Variants in AATK observed in about 807,000 individuals in gnomAD.
The protein encoded by AATK is serine/threonine-protein kinase LMTK1.
A neutral mutation model predicts 114.3 loss-of-function variants in AATK; 91 were observed. That is an observed-to-expected ratio of 0.80 (90% CI 0.67 to 0.95). The LOEUF is 0.95. Ranked by LOEUF, AATK falls within the 40% of genes least tolerant of loss-of-function variation. The pLI is 0.00. For missense variants in AATK, 2,176 were observed against 1,965.2 expected, an observed-to-expected ratio of 1.11 and a Z score of -2.03; for synonymous variants, 1,075 against 916.5, an observed-to-expected ratio of 1.17 and a Z score of -3.12.
Position 81,134,309 on chromosome 17 carries a change from G to A in AATK, c.189+59C>T, listed in dbSNP as rs1177607079. The A allele has an allele frequency of 2.5e-6, 4 of 1,592,908 alleles. No homozygotes were observed. In the East Asian group the frequency reaches 6.8e-5, roughly 27 times the overall value. ...AAGGAGGGAAGCTCAGGGTCAAGTG[G>A]ACGCTACAGGCCTTGCCTGCGGGAT... On this transcript the variant is annotated intron_variant, in intron 2 of 13. Transcript: ENST00000326724.
chr17:81,137,359 C>CCCTGT (rs1040797056), intron 1 of AATK, among the ~76,000 whole-genome samples: 14 of 152,120 alleles, frequency 9.2e-5, no homozygotes, highest in African/African-American at 3.1e-4. Context: ...GTGCGCCCAG[C>CCCTGT]CCTGTCCTCG....
intron 1 of AATK, among the ~76,000 whole-genome samples, chr17:81,162,006 CT>C (rs1271367241): frequency 6.6e-6 from 1 of 152,180 alleles, no homozygotes; most frequent in Admixed American, 6.5e-5. Context: ...GCCTGGCCTC[CT>C]GGAGAATGTG....
At chr17:81,134,674 A>G (rs1208251432) in intron 1 of AATK, among the ~76,000 whole-genome samples, 173 bp from the exon 2 acceptor site, 3 of 152,208 alleles carry the variant, frequency 2.0e-5, no homozygotes, top group Non-Finnish European at 4.4e-5. Flanking sequence ...AGGTGGCCAG[A>G]GCCTGCAGTC....
intron 2 of AATK, chr17:81,132,639 C>A (rs371695274): frequency 3.5e-6 from 1 of 288,038 alleles, no homozygotes; most frequent in South Asian, 2.6e-5. Context: ...GGGTCGGGCC[C>A]GGGCTCCAGG....
intron 2 of AATK, among the ~76,000 whole-genome samples, 157 bp from the exon 3 acceptor site, chr17:81,131,362 G>A (rs1324501782): frequency 6.6e-6 from 1 of 152,188 alleles, no homozygotes; most frequent in African/African-American, 2.4e-5. Context: ...GCAGGCCAAT[G>A]GCCCAGCACC....
At chr17:81,147,698 T>A (rs1324909853) in intron 1 of AATK, among the ~76,000 whole-genome samples, 1 of 152,130 alleles carries the variant, frequency 6.6e-6, no homozygotes, top group Non-Finnish European at 1.5e-5. Flanking sequence ...GAGGTTGCAG[T>A]GAGCTGAGGT....
Position 81,124,805 on chromosome 17 carries a change from C to T in AATK, c.884G>A (p.Arg295His). 3 of 1,612,588 alleles carry T rather than the reference C, an allele frequency of 1.9e-6. No homozygotes were observed. Among genetic ancestry groups the T allele is most frequent in the South Asian group, 1.1e-5 (1 of 91,056 alleles). Reference sequence around the variant, plus strand: ...GTCCACCAGCTCTGGCGCGATCCAGCGCAGAGGCACCCACAGCTGGTCGGC... The same window carrying T: ...GTCCACCAGCTCTGGCGCGATCCAGTGCAGAGGCACCCACAGCTGGTCGGC... ...VTADQLWVPL[R>H]WIAPELVDEV... is the part of the protein sequence containing the mutation. Residue 295 changes from arginine (R) to histidine (H), a missense_variant, in exon 9 of 14, where the codon CGC (arginine) becomes CAC (histidine). Physicochemically the swap from Arg to His is conservative, Grantham distance 29. Transcript: ENST00000326724.
chr17:81,124,964 A>G lies in AATK; in HGVS notation c.806T>C (p.Ile269Thr), dbSNP rs771810847. 3.8e-6 allele frequency: 6 copies of G among 1,580,540 alleles called. No homozygotes were observed. In the African/African-American group the frequency reaches 4.0e-5, roughly 11 times the overall value. Residue 269 changes from isoleucine (I) to threonine (T), a missense_variant, in exon 8 of 14, where the codon ATT becomes ACT. Around this residue, in one of 4 missense-constraint regions of AATK, gnomAD observed 273 missense variants for 344.1 expected, o/e 0.79. Coordinates refer to ENST00000326724, the MANE Select transcript of AATK (RefSeq NM_001080395.3). Reference sequence around the variant, plus strand: ...GCAGTGAGCCAGGCCATAGTCACCAATCTTCACCGTCAGGTCAGCCGTGAG... The same window carrying G: ...GCAGTGAGCCAGGCCATAGTCACCAGTCTTCACCGTCAGGTCAGCCGTGAG... The part of the protein sequence containing the change: ...CLLTADLTVK[I>T]GDYGLAHCKY...
At chr17:81,156,556 C>A (rs1195803805) in intron 1 of AATK, among the ~76,000 whole-genome samples, 1 of 152,118 alleles carries the variant, frequency 6.6e-6, no homozygotes, top group Non-Finnish European at 1.5e-5. Context: ...AGCCACCACA[C>A]CCGCCTAATT....
intron 1 of AATK, among the ~76,000 whole-genome samples, chr17:81,164,254 G>A (rs1207296522): frequency 6.6e-6 from 1 of 152,218 alleles, no homozygotes; most frequent in Non-Finnish European, 1.5e-5. Flanking sequence ...GCTGGGCTAA[G>A]TTTAGCGGGA....
At chr17:81,154,779 G>A (rs978279010) in intron 1 of AATK, among the ~76,000 whole-genome samples, 10 of 142,848 alleles carry the variant, frequency 7.0e-5, no homozygotes, top group East Asian at 6.1e-4. Context: ...ACAGACTTGC[G>A]CCATCACACC....
chr17:81,160,863 C>T (rs906185), intron 1 of AATK, among the ~76,000 whole-genome samples: 24,286 of 152,150 alleles, frequency 0.16, 2,867 homozygotes, highest in African/African-American at 0.33. Flanking sequence ...CCAGGCTCAC[C>T]GCCGACACCA....
Position 81,118,330 on chromosome 17 carries a change from G to A in AATK, c.*72C>T. ...CCAGGACGTGGTCCCCACCTTCTCG[G>A]TCACCATCCTCGCTGCTGCCTGGCA... On this transcript the variant is annotated 3_prime_UTR_variant, in exon 14 of 14. Coordinates refer to ENST00000326724, the MANE Select transcript of AATK (RefSeq NM_001080395.3). 1.3e-6 allele frequency: 2 copies of A among 1,499,014 alleles called. No individual in the cohort carries two copies. The highest frequency in any genetic ancestry group is 2.4e-5 in the South Asian group (2 of 82,058). 92.9% of individuals were successfully genotyped at this position (1,499,014 alleles called of 1,614,324 possible).
Position 81,124,833 on chromosome 17 carries a change from T to C in AATK, c.856A>G (p.Thr286Ala). The C allele has an allele frequency of 1.9e-6, 3 of 1,610,918 alleles. No homozygotes were observed. Among genetic ancestry groups the C allele is most frequent in the Non-Finnish European group, 2.5e-6 (3 of 1,178,942 alleles). ...HCKYREDYFV[T>A]ADQLWVPLRW... is the part of the protein sequence containing the mutation. Reference sequence around the variant, plus strand: ...AGAGGCACCCACAGCTGGTCGGCAGTCACGAAGTAGTCCTCCTGTTGGCAC... The same window carrying C: ...AGAGGCACCCACAGCTGGTCGGCAGCCACGAAGTAGTCCTCCTGTTGGCAC... Residue 286 changes from threonine to alanine, a missense_variant, in exon 9 of 14, where the codon ACT becomes GCT. By Grantham distance (58) the Thr-to-Ala change is moderately conservative (BLOSUM62 0). Coordinates refer to ENST00000326724, the MANE Select transcript of AATK (RefSeq NM_001080395.3).
At chr17:81,124,703 C>A (rs573184365) in intron 9 of AATK, 24 bp downstream of exon 9, 1 of 1,607,682 alleles carries the variant, frequency 6.2e-7, no homozygotes, top group Non-Finnish European at 8.5e-7. Context: ...CGGCCCCTCA[C>A]GGTGCCACCA....
At chr17:81,143,232 C>T (rs572232692) in intron 1 of AATK, among the ~76,000 whole-genome samples, 6 of 152,200 alleles carry the variant, frequency 3.9e-5, no homozygotes, top group East Asian at 1.9e-4. Flanking sequence ...ACGTCCCAGG[C>T]GGAAGCCGCC....
chr17:81,118,540 G>T, intron 13 of AATK, 98 bp from the exon 14 acceptor site: 1 of 1,305,656 alleles, frequency 7.7e-7, no homozygotes, highest in Non-Finnish European at 1.1e-6. Context: ...CCCACATACA[G>T]GCCGGGCCCC....
chr17:81,165,358 C>T (rs141122432), intron 1 of AATK: 3 of 253,038 alleles, frequency 1.2e-5, no homozygotes, highest in Middle Eastern at 1.5e-3. Context: ...AGCTTGACAG[C>T]GTCACCTCGG....
In AATK at chr17:81,121,263, G is replaced by A. The variant is rs754719175; in HGVS notation, c.2673C>T (p.Arg891=). ...ARRPDVVPAF[R]SLQKQVGTPD... is the part of the protein sequence containing the mutation. ...GGGTCCCCACCTGCTTCTGCAGAGA[G>A]CGGAAGGCTGGCACCACATCCGGCC... Residue 891 remains arginine, a synonymous_variant, in exon 11 of 14, where the codon CGC becomes CGT. Coordinates refer to ENST00000326724, the MANE Select transcript of AATK (RefSeq NM_001080395.3). 8.7e-6 allele frequency: 14 copies of A among 1,610,558 alleles called. No individual in the cohort carries two copies. The highest frequency in any genetic ancestry group is 1.7e-4 in the Middle Eastern group (1 of 6,054).
Sources: allele counts gnomAD v4.1 joint callset (sites outside exome capture counted in the v4.1 genomes callset), GRCh38; gene constraint gnomAD v4.1.1; regional missense constraint gnomAD v4.1.1; transcripts MANE v1.5; gene names NCBI Gene and HGNC (gene_info 2026-07-23, HGNC 2026-07-21).